The following CNTNAP2 variants were observed in gnomAD, a reference collection of about 807,000 sequenced individuals.
The protein encoded by CNTNAP2 is contactin-associated protein-like 2.
Under a neutral mutation model 155.2 loss-of-function variants are expected in CNTNAP2, and 98 were observed. The ratio of observed to expected loss-of-function variants is 0.63; its 90% confidence interval spans 0.54 to 0.75. The LOEUF (loss-of-function observed/expected upper bound fraction) is 0.75, where lower values mean the gene tolerates loss of function less well. CNTNAP2 is among the 30% of genes least tolerant of loss of function. CNTNAP2 has a pLI of 0.00. For synonymous variants in CNTNAP2, 651 were observed against 631.2 expected, an observed-to-expected ratio of 1.03 and a Z score of -0.47; for missense variants, 1,727 against 1,688.1, an observed-to-expected ratio of 1.02 and a Z score of -0.40.
intron 1 of CNTNAP2, among the ~76,000 whole-genome samples, chr7:146,681,994 G>C (rs1420804163): frequency 1.1e-5 from 1 of 90,658 alleles, no homozygotes; most frequent in African/African-American, 3.5e-5. Flanking sequence ...AGTTCTCTCA[G>C]GTCAGACGCA....
chr7:148,322,360 C>G (rs954241679), intron 21 of CNTNAP2, among the ~76,000 whole-genome samples: 2 of 152,162 alleles, frequency 1.3e-5, no homozygotes, highest in African/African-American at 4.8e-5. Flanking sequence ...CTGAGGGAAA[C>G]TCGAGAAACA....
chr7:146,569,002 A>ATTTT (rs1210262853), intron 1 of CNTNAP2, among the ~76,000 whole-genome samples: 2 of 150,336 alleles, frequency 1.3e-5, no homozygotes, highest in Non-Finnish European at 3.0e-5. Context: ...TATTTTTTTT[A>ATTTT]TTTTTAATTA....
chr7:146,379,440 G>C (rs565619519), intron 1 of CNTNAP2, among the ~76,000 whole-genome samples: 2 of 152,264 alleles, frequency 1.3e-5, no homozygotes, highest in African/African-American at 2.4e-5. Context: ...TTAATCTTAA[G>C]AAAGTAAAGG....
chr7:147,445,793 C>A (rs1396785628), intron 10 of CNTNAP2, among the ~76,000 whole-genome samples: 1 of 151,808 alleles, frequency 6.6e-6, no homozygotes, highest in East Asian at 1.9e-4. Context: ...TTCTTTCTTT[C>A]TCTTTCTTCT....
chr7:146,926,826 A>T (rs1459972187), intron 3 of CNTNAP2, among the ~76,000 whole-genome samples: 1 of 152,164 alleles, frequency 6.6e-6, no homozygotes, highest in African/African-American at 2.4e-5. Context: ...AAAATATGGA[A>T]ATCACTTTTC....
At position 147,871,274 on chromosome 7, in the gene CNTNAP2, ACTAGT is replaced by A. The variant is rs1799322088; in HGVS notation, c.2099-32287_2099-32283del. Among the ~76,000 whole-genome samples the A allele has an allele frequency of 4.6e-5, 7 of 152,328 alleles. No individual in the cohort carries two copies. The South Asian group carries it at 1.5e-3, about 32-fold the overall frequency. On this transcript the variant is annotated intron_variant, in intron 13 of 23. Coordinates refer to ENST00000361727, the MANE Select transcript of CNTNAP2 (RefSeq NM_014141.6). ...GGAAAGATGCCAGGGAAATTAGGTA[ACTAGT>A]CTAAAGTCTTGCAAAAGTAGGCAGG...
intron 8 of CNTNAP2, among the ~76,000 whole-genome samples, chr7:147,234,334 C>CTTTTTTTTTTTTTTTTTTTTTTTTTTTTT: frequency 9.3e-6 from 1 of 107,556 alleles, no homozygotes; most frequent in Non-Finnish European, 1.7e-5. Flanking sequence ...CAAGAGTATT[C>CTTTTTTTTTTTTTTTTTTTTTTTTTTTTT]TTTTTTTTTT....
intron 9 of CNTNAP2, among the ~76,000 whole-genome samples, chr7:147,315,926 T>A (rs929700140): frequency 6.6e-6 from 1 of 152,086 alleles, no homozygotes; most frequent in African/African-American, 2.4e-5. Flanking sequence ...TTGCCAAATA[T>A]TTTTACATAT....
chr7:147,568,112 A>T (rs192136282), intron 12 of CNTNAP2, among the ~76,000 whole-genome samples: 1 of 152,258 alleles, frequency 6.6e-6, no homozygotes, highest in East Asian at 1.9e-4. Context: ...TAAAATAAAA[A>T]AATCTTTGTC....
intron 12 of CNTNAP2, among the ~76,000 whole-genome samples, chr7:147,604,827 T>G (rs1483045690): frequency 6.6e-6 from 1 of 152,182 alleles, no homozygotes; most frequent in Admixed American, 6.6e-5. Context: ...CACCCTCATG[T>G]GTGGCTCACT....
At chr7:146,151,648 A>ATG (rs1427213802) in intron 1 of CNTNAP2, among the ~76,000 whole-genome samples, 41 of 18,662 alleles carry the variant, frequency 2.2e-3, no homozygotes, top group Non-Finnish European at 4.8e-3. Flanking sequence ...ATATATATAT[A>ATG]TATATATATA....
At chr7:147,702,068 T>G (rs1029682750) in intron 13 of CNTNAP2, among the ~76,000 whole-genome samples, 1 of 151,062 alleles carries the variant, frequency 6.6e-6, no homozygotes, top group Non-Finnish European at 1.5e-5. Context: ...TTTTTTTTTT[T>G]TTTTTTTTTC....
chr7:147,130,765 G>A (rs567643499), intron 7 of CNTNAP2, among the ~76,000 whole-genome samples: 1 of 151,998 alleles, frequency 6.6e-6, no homozygotes, highest in Non-Finnish European at 1.5e-5. Context: ...CCCTCATTAT[G>A]CATTGACTCC....
chr7:147,604,484 C>G (rs565852568), intron 12 of CNTNAP2, among the ~76,000 whole-genome samples: 24 of 152,238 alleles, frequency 1.6e-4, no homozygotes, highest in Admixed American at 1.0e-3. Flanking sequence ...ATGACATGAC[C>G]TTCGTTGTCT....
chr7:146,950,792 C>A (rs1366134482), intron 3 of CNTNAP2, among the ~76,000 whole-genome samples: 1 of 152,014 alleles, frequency 6.6e-6, no homozygotes, highest in East Asian at 1.9e-4. Context: ...GATTTATAAT[C>A]CTTTGGGCAT....
At chr7:146,980,183 TAGGGGGATGTGG>T (rs1194216897) in intron 3 of CNTNAP2, among the ~76,000 whole-genome samples, 1 of 151,580 alleles carries the variant, frequency 6.6e-6, no homozygotes, top group African/African-American at 2.4e-5. Context: ...ATCAGGTGGA[TAGGGGGATGTGG>T]TAATGTTGGT....
At chr7:147,739,814 A>G (rs1796925707) in intron 13 of CNTNAP2, among the ~76,000 whole-genome samples, 2 of 152,094 alleles carry the variant, frequency 1.3e-5, no homozygotes, top group Admixed American at 6.6e-5. Context: ...TCATGTATTT[A>G]TATATTTCAT....
At chr7:147,683,344 T>C (rs1474082221) in intron 13 of CNTNAP2, among the ~76,000 whole-genome samples, 2 of 151,890 alleles carry the variant, frequency 1.3e-5, no homozygotes, top group African/African-American at 4.8e-5. Context: ...CAGTTCTGTG[T>C]TCTTTATACC....
chr7:147,010,713 T>C (rs1277855401), intron 3 of CNTNAP2, among the ~76,000 whole-genome samples: 1 of 152,156 alleles, frequency 6.6e-6, no homozygotes, highest in Non-Finnish European at 1.5e-5. Flanking sequence ...CTTTTTCTTG[T>C]AGAAGAGTAC....
Sources: gnomAD v4.1 joint callset for allele counts (sites outside exome capture counted in the v4.1 genomes callset) on GRCh38, gnomAD v4.1.1 for gene constraint, MANE v1.5 for transcripts, NCBI Gene and HGNC (gene_info 2026-07-23, HGNC 2026-07-21) for gene names.